Variants in MAP3K5 observed in about 807,000 individuals in gnomAD.
MAP3K5 encodes ASK-1.
MAP3K5 carries 56 observed loss-of-function variants against 158.7 expected under a neutral mutation model. The observed-to-expected ratio is 0.35, with a 90% CI of 0.28 to 0.44. The LOEUF is 0.44. Among genes scored for constraint, MAP3K5 ranks in the 20% least tolerant of loss-of-function variants. The pLI is 1.00. For missense variants in MAP3K5, 1,294 were observed against 1,674.8 expected, an observed-to-expected ratio of 0.77 and a Z score of 3.97; for synonymous variants, 579 against 601.7, an observed-to-expected ratio of 0.96 and a Z score of 0.55.
rs781743855 is a variant in MAP3K5 at position 136,637,328 on chromosome 6, C to T, written c.2013G>A (p.Leu671=). 2.5e-6 allele frequency: 4 copies of T among 1,606,326 alleles called. No homozygotes were observed. The highest frequency in any genetic ancestry group is 2.2e-5 in the South Asian group (2 of 90,918). The part of the protein sequence containing the change: ...TEEGDCESDL[L]EYDYEYDENG... ...AAATGGACACCTAAGTCATTACCTCCAGCAAGTCACTTTCACAGTCTCCTT... is the reference window on the plus strand; with the variant it reads ...AAATGGACACCTAAGTCATTACCTCTAGCAAGTCACTTTCACAGTCTCCTT... The change falls in exon 14 of 30, where the codon CTG becomes CTA. Residue 671 remains leucine (L), a synonymous_variant. Transcript: ENST00000359015.
At chr6:136,673,347 A>G (rs943098851) in intron 7 of MAP3K5, among the ~76,000 whole-genome samples, 1 of 152,184 alleles carries the variant, frequency 6.6e-6, no homozygotes, top group Admixed American at 6.5e-5. Flanking sequence ...TTTAATACAA[A>G]ATGTCTGGGA....
At chr6:136,712,101 G>C (rs1322997302) in intron 2 of MAP3K5, among the ~76,000 whole-genome samples, 1 of 151,148 alleles carries the variant, frequency 6.6e-6, no homozygotes, top group Non-Finnish European at 1.5e-5. Flanking sequence ...GAACTCTGCC[G>C]TAAGTAGGTA....
chr6:136,667,645 T>A (rs1428244331), intron 8 of MAP3K5, among the ~76,000 whole-genome samples: 1 of 151,882 alleles, frequency 6.6e-6, no homozygotes, highest in Non-Finnish European at 1.5e-5. Flanking sequence ...GAAAGCACAA[T>A]CTAAACCAGC....
intron 12 of MAP3K5, among the ~76,000 whole-genome samples, chr6:136,639,939 A>G (rs543176158): frequency 2.0e-5 from 3 of 152,278 alleles, no homozygotes; most frequent in African/African-American, 4.8e-5. Context: ...CTACTACACT[A>G]TTCTGTGTGC....
chr6:136,719,936 C>T (rs914089283), intron 2 of MAP3K5, among the ~76,000 whole-genome samples: 1 of 152,190 alleles, frequency 6.6e-6, no homozygotes, highest in African/African-American at 2.4e-5. Context: ...GAGAGAATGA[C>T]ATCGAGACAG....
At chr6:136,706,415 T>C (rs1781080285) in intron 2 of MAP3K5, among the ~76,000 whole-genome samples, 1 of 152,212 alleles carries the variant, frequency 6.6e-6, no homozygotes, top group Admixed American at 6.5e-5. Context: ...TTGTTATTCC[T>C]ATACCTCACC....
chr6:136,585,104 T>C (rs1212058663), intron 23 of MAP3K5, among the ~76,000 whole-genome samples: 2 of 119,434 alleles, frequency 1.7e-5, no homozygotes, highest in East Asian at 6.5e-4. Context: ...TTTTTCTTTT[T>C]GTTTTTTTTT....
At chr6:136,752,434 T>C (rs888019590) in intron 1 of MAP3K5, among the ~76,000 whole-genome samples, 1 of 152,182 alleles carries the variant, frequency 6.6e-6, no homozygotes, top group Non-Finnish European at 1.5e-5. Context: ...GTTTTTAAGA[T>C]GGAGTCTCGC....
At chr6:136,642,806 G>T (rs549989443) in intron 11 of MAP3K5, among the ~76,000 whole-genome samples, 1 of 152,130 alleles carries the variant, frequency 6.6e-6, no homozygotes, top group Non-Finnish European at 1.5e-5. Context: ...GAGCCTAGGA[G>T]AATTAGTCTC....
At chr6:136,789,452 A>C (rs757828211) in intron 1 of MAP3K5, among the ~76,000 whole-genome samples, 9 of 152,160 alleles carry the variant, frequency 5.9e-5, no homozygotes, top group Non-Finnish European at 1.2e-4. Flanking sequence ...GCAGGGGTTA[A>C]ACTGAGACCT....
In MAP3K5 at chr6:136,657,093, C is replaced by T. The variant is rs77087770; in HGVS notation, c.1527-633G>A. On this transcript the variant is annotated intron_variant, in intron 9 of 29. Transcript: ENST00000359015. ...AATGTGTATATTCTATTCAAGGAAGCGGTTAATGCATTTGTTTTTAATTAT... is the reference window on the plus strand; with the variant it reads ...AATGTGTATATTCTATTCAAGGAAGTGGTTAATGCATTTGTTTTTAATTAT... Among the ~76,000 whole-genome samples the T allele has an allele frequency of 7.6e-3, 1,163 of 152,168 alleles. 16 individuals are homozygous for T. The highest frequency in any genetic ancestry group is 0.025 in the African/African-American group (1,044 of 41,512).
At chr6:136,698,753 T>A in intron 3 of MAP3K5, 71 bp from the exon 4 acceptor site, 1 of 1,006,958 alleles carries the variant, frequency 9.9e-7, no homozygotes, top group Admixed American at 2.5e-5. Context: ...ATCCCACGTC[T>A]TACTCATTTT....
At chr6:136,602,519 G>A (rs1199127893) in intron 19 of MAP3K5, among the ~76,000 whole-genome samples, 1 of 152,080 alleles carries the variant, frequency 6.6e-6, no homozygotes, top group Non-Finnish European at 1.5e-5. Flanking sequence ...CGCACAGGCT[G>A]GTCCAAACTC....
intron 1 of MAP3K5, among the ~76,000 whole-genome samples, chr6:136,723,507 T>C (rs555576749): frequency 6.6e-6 from 1 of 152,282 alleles, no homozygotes; most frequent in South Asian, 2.1e-4. Context: ...GGATTATGAA[T>C]TATTTTATTT....
At chr6:136,788,193 G>T (rs1215512384) in intron 1 of MAP3K5, among the ~76,000 whole-genome samples, 1 of 152,088 alleles carries the variant, frequency 6.6e-6, no homozygotes, top group Non-Finnish European at 1.5e-5. Flanking sequence ...AATGGAGAAA[G>T]GACTCCCTAT....
intron 7 of MAP3K5, 86 bp downstream of exon 7, chr6:136,694,054 T>A (rs1780498126): frequency 2.0e-6 from 2 of 983,448 alleles, no homozygotes; most frequent in Non-Finnish European, 3.0e-6. Flanking sequence ...TGGATTATAA[T>A]AATACTTTAA....
intron 2 of MAP3K5, among the ~76,000 whole-genome samples, chr6:136,707,620 A>G (rs765014913): frequency 2.0e-5 from 3 of 152,224 alleles, no homozygotes; most frequent in Non-Finnish European, 4.4e-5. Flanking sequence ...ATTTTGACAC[A>G]TACAAAAAGT....
intron 7 of MAP3K5, among the ~76,000 whole-genome samples, chr6:136,693,091 G>A (rs1327315902): frequency 1.3e-5 from 2 of 151,876 alleles, no homozygotes; most frequent in Non-Finnish European, 2.9e-5. Context: ...TTTGTGCATG[G>A]CTTAAAATGG....
intron 7 of MAP3K5, among the ~76,000 whole-genome samples, chr6:136,674,234 G>T (rs1283855382): frequency 6.6e-6 from 1 of 151,998 alleles, no homozygotes; most frequent in African/African-American, 2.4e-5. Context: ...AAAGGAAAGT[G>T]ATTTCATTTG....
Sources: allele counts gnomAD v4.1 joint callset (sites outside exome capture counted in the v4.1 genomes callset), GRCh38; gene constraint gnomAD v4.1.1; transcripts MANE v1.5; gene names NCBI Gene and HGNC (gene_info 2026-07-23, HGNC 2026-07-21).